Variants in ACSL3 observed in about 807,000 individuals in gnomAD.
ACSL3 encodes fatty acid CoA ligase Acsl3.
In ACSL3, 34 loss-of-function variants were observed where a neutral mutation model predicts 84.7. The ratio of observed to expected loss-of-function variants is 0.40; its 90% CI spans 0.31 to 0.53. The LOEUF (loss-of-function observed/expected upper bound fraction) is 0.53, where lower values mean the gene tolerates loss of function less well. Among genes scored for constraint, ACSL3 ranks in the 20% least tolerant of loss-of-function variants. ACSL3 has a pLI of 0.48. For synonymous variants in ACSL3, 315 were observed against 299.4 expected, an observed-to-expected ratio of 1.05 and a Z score of -0.54; for missense variants, 680 against 873.1, an observed-to-expected ratio of 0.78 and a Z score of 2.79.
At chr2:222,870,192 C>T (rs913718526) in intron 1 of ACSL3, among the ~76,000 whole-genome samples, 8 of 149,622 alleles carry the variant, frequency 5.3e-5, no homozygotes, top group African/African-American at 1.7e-4. Context: ...ACCTCCTTTT[C>T]CCCCTCCTTT....
rs369836404 is a variant in ACSL3, at chr2:222,922,327, G to T, written c.957-381G>T. The stretch of plus-strand genomic sequence containing the variant: ...AGATGTAAAGACCATTTCCTCCTTG[G>T]ATGATTTCTTCTGTTCTTCAAAAGA... On this transcript the variant is annotated intron_variant, in intron 8 of 16. Coordinates refer to ENST00000357430, the MANE Select transcript of ACSL3 (RefSeq NM_004457.5). 2.2e-4 allele frequency among the ~76,000 whole-genome samples: 33 copies of T among 152,008 alleles called. 5 individuals carry two copies. Among genetic ancestry groups the T allele is most frequent in the Admixed American group, 1.8e-3 (28 of 15,262 alleles).
intron 11 of ACSL3, 129 bp downstream of exon 11, chr2:222,924,724 T>TA (rs1415077580): frequency 4.7e-5 from 53 of 1,118,562 alleles, no homozygotes; most frequent in East Asian, 6.3e-5. Flanking sequence ...GAGAACTCTT[T>TA]AAAAAAAATC....
In ACSL3 at chr2:222,942,799, C is replaced by A. The variant is rs1697349502; in HGVS notation, c.*1145C>A. 2 of 219,754 alleles carry A rather than the reference C, an allele frequency of 9.1e-6. No homozygotes were observed. Among genetic ancestry groups the A allele is most frequent in the African/African-American group, 2.2e-5 (1 of 44,646 alleles). The allele number at this position is 219,754 out of a possible 1,614,324, so 13.6% of individuals were successfully genotyped here. On this transcript the variant is annotated 3_prime_UTR_variant, in exon 17 of 17. Transcript: ENST00000357430. The stretch of plus-strand genomic sequence containing the variant: ...AATGTATTTGATGATAGCATTCTCA[C>A]TAAGACACATGAGAATTTAACTTTA...
At chr2:222,893,255 G>A (rs1487239594) in intron 2 of ACSL3, among the ~76,000 whole-genome samples, 1 of 152,200 alleles carries the variant, frequency 6.6e-6, no homozygotes, top group East Asian at 1.9e-4. Flanking sequence ...GCATTTCTAA[G>A]TGTTGGGGCT....
intron 1 of ACSL3, among the ~76,000 whole-genome samples, chr2:222,887,425 CT>C (rs1227838588): frequency 4.6e-5 from 7 of 152,282 alleles, no homozygotes; most frequent in African/African-American, 1.4e-4. Flanking sequence ...ATTTTCAACT[CT>C]TTTGGGTAAA....
intron 1 of ACSL3, among the ~76,000 whole-genome samples, chr2:222,862,944 CTCTG>C (rs1695050626): frequency 6.6e-6 from 1 of 152,180 alleles, no homozygotes; most frequent in African/African-American, 2.4e-5. Flanking sequence ...GAAAATCATC[CTCTG>C]TCTGGTTTGG....
In ACSL3 at chr2:222,923,160, A is replaced by T. The variant is rs778825017; in HGVS notation, c.1152+11A>T. ...ATGGCAGCAGTTCCGGTAAGAAGTG[A>T]CCCTTATTTAATATTGAGTATTAAA... is the stretch of plus-strand genomic sequence containing the variant. On this transcript the variant is annotated intron_variant, in intron 10 of 16. Coordinates refer to ENST00000357430, the MANE Select transcript of ACSL3 (RefSeq NM_004457.5). 6.2e-6 allele frequency: 10 copies of T among 1,607,662 alleles called. No individual in the cohort carries two copies. The highest frequency in any genetic ancestry group is 8.5e-6 in the Non-Finnish European group (10 of 1,174,312).
At chr2:222,866,893 G>GGT (rs1695162465) in intron 1 of ACSL3, among the ~76,000 whole-genome samples, 2 of 144,644 alleles carry the variant, frequency 1.4e-5, no homozygotes, top group Admixed American at 1.4e-4. Flanking sequence ...GGAGTGCAGT[G>GGT]GTGTGATCTC....
At position 222,909,004 on chromosome 2, in the gene ACSL3, G is replaced by A; in HGVS notation, c.232G>A (p.Ala78Thr). 1 of 1,613,776 alleles carries A rather than the reference G, an allele frequency of 6.2e-7. No homozygotes were observed. Residue 78 changes from alanine (A) to threonine (T), a missense_variant, in exon 4 of 17, where the codon GCT becomes ACT. By Grantham distance (58) the Ala-to-Thr change is moderately conservative. Coordinates refer to ENST00000357430, the MANE Select transcript of ACSL3 (RefSeq NM_004457.5). ...ATCTGTTAATAGTTTGGATGGTTTG[G>A]CTTCAGTATTATACCCTGGATGTGA... ...YRSVNSLDGL[A>T]SVLYPGCDTL...
At chr2:222,912,140 A>G (rs552449548) in intron 4 of ACSL3, among the ~76,000 whole-genome samples, 1 of 152,230 alleles carries the variant, frequency 6.6e-6, no homozygotes, top group Non-Finnish European at 1.5e-5. Context: ...TAGATTTTGC[A>G]TATAATAAAT....
In ACSL3 at chr2:222,861,075, T is replaced by G. The variant is rs556711558; in HGVS notation, c.-390T>G. 2.6e-5 allele frequency: 4 copies of G among 151,048 alleles called. No homozygotes were observed. The highest frequency in any genetic ancestry group is 6.6e-5 in the Admixed American group (1 of 15,252). 9.4% of individuals were successfully genotyped at this position (151,048 alleles called of 1,614,324 possible). Reference sequence around the variant, plus strand: ...CTGCGCCGGGCTGCGACACTGCAGTTGTCTACGCGGCCGGGGCCGGGACGA... The same window carrying G: ...CTGCGCCGGGCTGCGACACTGCAGTGGTCTACGCGGCCGGGGCCGGGACGA... On this transcript the variant is annotated 5_prime_UTR_variant, in exon 1 of 17. Coordinates refer to ENST00000357430, the MANE Select transcript of ACSL3 (RefSeq NM_004457.5).
At chr2:222,890,532 CT>C (rs948385424) in intron 2 of ACSL3, among the ~76,000 whole-genome samples, 3 of 151,504 alleles carry the variant, frequency 2.0e-5, no homozygotes, top group Non-Finnish European at 2.9e-5. Context: ...CTTTTGCTAA[CT>C]TTTTTTTTGT....
chr2:222,876,301 G>A (rs915199117), intron 1 of ACSL3, among the ~76,000 whole-genome samples: 1 of 151,928 alleles, frequency 6.6e-6, no homozygotes, highest in Non-Finnish European at 1.5e-5. Context: ...ATTGCTTTAT[G>A]GTTTTTTTTG....
chr2:222,871,486 C>G (rs1490170070), intron 1 of ACSL3, among the ~76,000 whole-genome samples: 1 of 151,984 alleles, frequency 6.6e-6, no homozygotes, highest in Non-Finnish European at 1.5e-5. Context: ...CACTAGGGGC[C>G]CAGTAGGCAT....
At chr2:222,864,002 C>CT (rs1167838371) in intron 1 of ACSL3, among the ~76,000 whole-genome samples, 1 of 151,424 alleles carries the variant, frequency 6.6e-6, no homozygotes, top group Non-Finnish European at 1.5e-5. Context: ...GCTAGCATAT[C>CT]TCATCTGATC....
At chr2:222,910,305 G>T (rs1574547296) in intron 4 of ACSL3, among the ~76,000 whole-genome samples, 1 of 152,186 alleles carries the variant, frequency 6.6e-6, no homozygotes, top group South Asian at 2.1e-4. Context: ...AAAAATTGAA[G>T]ATAAAGTATT....
chr2:222,879,831 A>G (rs1242105217), intron 1 of ACSL3, among the ~76,000 whole-genome samples: 2 of 152,198 alleles, frequency 1.3e-5, no homozygotes, highest in South Asian at 2.1e-4. Flanking sequence ...AGGCCAGGCA[A>G]TGTGGACTGT....
intron 12 of ACSL3, among the ~76,000 whole-genome samples, chr2:222,928,010 G>A (rs1205470356): frequency 6.6e-6 from 1 of 152,124 alleles, no homozygotes; most frequent in Non-Finnish European, 1.5e-5. Flanking sequence ...TCTTTCTTCT[G>A]AGGATCCTTA....
chr2:222,910,301 T>G (rs1259957701), intron 4 of ACSL3, among the ~76,000 whole-genome samples: 1 of 152,184 alleles, frequency 6.6e-6, no homozygotes, highest in Non-Finnish European at 1.5e-5. Flanking sequence ...AGTTAAAAAT[T>G]GAAGATAAAG....
Sources: gnomAD v4.1 joint callset for allele counts (sites outside exome capture counted in the v4.1 genomes callset) on GRCh38, gnomAD v4.1.1 for gene constraint, MANE v1.5 for transcripts, NCBI Gene and HGNC (gene_info 2026-07-23, HGNC 2026-07-21) for gene names.